Variants in CD109 observed in about 807,000 individuals in gnomAD.
CD109 encodes CD109 antigen.
Under a neutral mutation model 165.8 loss-of-function variants are expected in CD109, and 149 were observed. The observed-to-expected ratio is 0.90, with a 90% confidence interval of 0.79 to 1.03. The LOEUF is 1.03. Among genes scored for constraint, CD109 ranks in the 50% least tolerant of loss-of-function variants. The pLI, the probability that CD109 is intolerant of heterozygous loss-of-function variation, is 0.00. For missense variants in CD109, 1,712 were observed against 1,677.8 expected, an observed-to-expected ratio of 1.02 and a Z score of -0.36; for synonymous variants, 585 against 592.1, an observed-to-expected ratio of 0.99 and a Z score of 0.18.
At chr6:73,779,078 A>G (rs1755144903) in intron 15 of CD109, among the ~76,000 whole-genome samples, 1 of 151,868 alleles carries the variant, frequency 6.6e-6, no homozygotes, top group Non-Finnish European at 1.5e-5. Flanking sequence ...ATAACTACTC[A>G]TTTCCCCTTC....
chr6:73,765,818 T>A, intron 10 of CD109, 112 bp from the exon 11 acceptor site: 1 of 729,386 alleles, frequency 1.4e-6, no homozygotes. Flanking sequence ...GATATTATAG[T>A]GCTACCAATA....
At position 73,771,641 on chromosome 6, in the gene CD109, A is replaced by T. The variant is rs1774039073; in HGVS notation, c.1827+60A>T. 6 of 1,204,178 alleles carry T rather than the reference A, an allele frequency of 5.0e-6. No individual in the cohort carries two copies. The South Asian group carries it at 8.3e-5, about 17-fold the overall frequency. 74.6% of individuals were successfully genotyped at this position (1,204,178 alleles called of 1,614,324 possible). ...TATTACAAGAGAAAGAGGAAACTTT[A>T]TTGTACTACTTTAAATATTTAAAGA... is the stretch of plus-strand genomic sequence containing the variant. On this transcript the variant is annotated intron_variant, in intron 15 of 32. Transcript: ENST00000287097.
intron 5 of CD109, among the ~76,000 whole-genome samples, chr6:73,747,108 C>A (rs1302215238): frequency 6.6e-6 from 1 of 152,174 alleles, no homozygotes. Context: ...AGACCAATAT[C>A]CCGATTTCTG....
At chr6:73,728,958 G>C (rs554544009) in intron 3 of CD109, among the ~76,000 whole-genome samples, 1 of 152,348 alleles carries the variant, frequency 6.6e-6, no homozygotes, top group Admixed American at 6.5e-5. Context: ...CTGATTTGGA[G>C]TCTCACGAGG....
chr6:73,771,277 T>A (rs1245740419), intron 14 of CD109, 152 bp from the exon 15 acceptor site: 4 of 551,902 alleles, frequency 7.2e-6, no homozygotes, highest in Non-Finnish European at 1.2e-5. Flanking sequence ...TTTATTCCTT[T>A]CCCTAGAGAA....
chr6:73,782,357 T>C (rs138462876), intron 17 of CD109, among the ~76,000 whole-genome samples: 277 of 152,346 alleles, frequency 1.8e-3, no homozygotes, highest in Middle Eastern at 6.8e-3. Flanking sequence ...TACCCATCTT[T>C]GTTCTTTTTT....
chr6:73,764,327 G>A (rs1773752271), intron 10 of CD109, among the ~76,000 whole-genome samples: 2 of 152,212 alleles, frequency 1.3e-5, no homozygotes, highest in South Asian at 4.1e-4. Context: ...CAAAGGGCTA[G>A]AGAGTAAATA....
intron 5 of CD109, among the ~76,000 whole-genome samples, chr6:73,751,888 C>T (rs543996316): frequency 6.6e-6 from 1 of 152,292 alleles, no homozygotes; most frequent in Admixed American, 6.5e-5. Flanking sequence ...GTTACAAAAC[C>T]AGTTTTTGGA....
intron 2 of CD109, among the ~76,000 whole-genome samples, chr6:73,708,652 C>T (rs1256775871): frequency 1.3e-5 from 2 of 152,200 alleles, no homozygotes; most frequent in Non-Finnish European, 2.9e-5. Context: ...ACATCCTCTC[C>T]AGTACCTGTT....
rs1210239435 is a variant in CD109, at chr6:73,810,169, A to G, written c.3541A>G (p.Thr1181Ala). ...QRNSLGGFASTQDTTVALKAL... is the reference protein window; with the variant it reads ...QRNSLGGFASAQDTTVALKAL... ...AAATAGCTTGGGTGGTTTTGCATCT[A>G]CTCAGGTGAGAGATGATAGTTTTTT... The change falls in exon 27 of 33, where the codon ACT becomes GCT. Residue 1181 changes from threonine to alanine, a missense_variant. By Grantham distance (58) the Thr-to-Ala change is moderately conservative. Transcript: ENST00000287097. 1 of 1,585,936 alleles carries G rather than the reference A, an allele frequency of 6.3e-7. No homozygotes were observed. The highest frequency in any genetic ancestry group is 1.2e-5 in the South Asian group (1 of 86,886).
At chr6:73,685,062 A>G in the CD109 span, among the ~76,000 whole-genome samples, 107,707 of 151,490 alleles carry the variant, frequency 0.71, 38,735 homozygotes, top group African/African-American at 0.81. Context: ...GACTACAGGC[A>G]CAGCTAATTT....
intron 2 of CD109, among the ~76,000 whole-genome samples, chr6:73,713,342 C>T (rs957038037): frequency 2.0e-5 from 3 of 152,090 alleles, no homozygotes; most frequent in African/African-American, 4.8e-5. Flanking sequence ...TCCCTGGATC[C>T]AGCAAGAAAT....
chr6:73,789,600 C>CCTG (rs1774840196), intron 22 of CD109, among the ~76,000 whole-genome samples: 1 of 149,432 alleles, frequency 6.7e-6, no homozygotes, highest in Non-Finnish European at 1.5e-5. Context: ...ACTACAGGCA[C>CCTG]CCGCCACCAT....
rs370563364 is a variant in CD109, at chr6:73,792,780, A to C, written c.2856A>C (p.Lys952Asn). The C allele has an allele frequency of 2.5e-5, 40 of 1,609,526 alleles. No individual in the cohort carries two copies. The highest frequency in any genetic ancestry group is 3.1e-5 in the Non-Finnish European group (37 of 1,179,408). Residue 952 changes from lysine to asparagine, a missense_variant, in exon 23 of 33, where the codon AAA becomes AAC. Physicochemically the swap from Lys to Asn is moderately conservative, Grantham distance 94. Transcript: ENST00000287097. ...AACTGACAGATAATTTGAAAGAAAAAGCTCTTTCATTTATGAGGCAAGGTA... is the reference window on the plus strand; with the variant it reads ...AACTGACAGATAATTTGAAAGAAAACGCTCTTTCATTTATGAGGCAAGGTA... ...KKQLTDNLKE[K>N]ALSFMRQGYQ...
At chr6:73,818,832 C>A (rs1442059618) in intron 31 of CD109, among the ~76,000 whole-genome samples, 1 of 151,968 alleles carries the variant, frequency 6.6e-6, no homozygotes, top group Non-Finnish European at 1.5e-5. Flanking sequence ...AAAATTCAAC[C>A]CAGATCTGAA....
At position 73,766,137 on chromosome 6, in the gene CD109, A is replaced by G. The variant is rs769913378; in HGVS notation, c.1315A>G (p.Ser439Gly). ...TGAATTCCCAATCCTGGAGGATTCC[A>G]GTGAGCTACAGTTGAAGGTGCCGTC... ...KIEFPILEDS[S>G]ELQLKAYFLG... Residue 439 changes from serine to glycine, a missense_variant, in exon 11 of 33, where the codon AGT (serine) becomes GGT (glycine). Physicochemically the swap from Ser to Gly is moderately conservative, Grantham distance 56. Transcript: ENST00000287097. 7 of 1,613,624 alleles carry G rather than the reference A, an allele frequency of 4.3e-6. No individual in the cohort carries two copies. Among genetic ancestry groups the G allele is most frequent in the African/African-American group, 2.7e-5 (2 of 74,930 alleles).
intron 9 of CD109, 22 bp downstream of exon 9, chr6:73,762,904 G>A (rs1467821775): frequency 5.1e-6 from 8 of 1,580,078 alleles, no homozygotes; most frequent in Non-Finnish European, 3.4e-6. Flanking sequence ...TTAAAGTGGA[G>A]GTAAAACTAT....
Position 73,762,801 on chromosome 6 carries a change from T to C in CD109, c.916T>C (p.Ser306Pro). ...AGAGATGAAAAATGTAATGGATTCT[T>C]CAAATGGACTTTCTGAATACCTGGA... Reference protein sequence around the residue: ...DEEMKNVMDSSNGLSEYLDLS... With the variant: ...DEEMKNVMDSPNGLSEYLDLS... Residue 306 changes from serine (S) to proline (P), a missense_variant, in exon 9 of 33, where the codon TCA becomes CCA. Ser to Pro is a moderately conservative substitution (Grantham distance 74). Coordinates refer to ENST00000287097, the MANE Select transcript of CD109 (RefSeq NM_133493.5). 1 of 1,610,990 alleles carries C rather than the reference T, an allele frequency of 6.2e-7. No homozygotes were observed. Among genetic ancestry groups the C allele is most frequent in the Non-Finnish European group, 8.5e-7 (1 of 1,177,524 alleles).
Position 73,802,690 on chromosome 6 carries a change from A to C in CD109, c.2879-530A>C, listed in dbSNP as rs997659513. ...TTAATTTACTTTAATTTGGGATATC[A>C]CAGGCTTTTTTTTTTTTTTTTGAGA... On this transcript the variant is annotated intron_variant, in intron 23 of 32. Coordinates refer to ENST00000287097, the MANE Select transcript of CD109 (RefSeq NM_133493.5). Among the ~76,000 whole-genome samples, 41 of 147,354 alleles carry C rather than the reference A, an allele frequency of 2.8e-4. No homozygotes were observed. The South Asian group carries it at 5.5e-3, about 20-fold the overall frequency.
Sources: gnomAD v4.1 joint callset for allele counts (sites outside exome capture counted in the v4.1 genomes callset) on GRCh38, gnomAD v4.1.1 for gene constraint, MANE v1.5 for transcripts, NCBI Gene and HGNC (gene_info 2026-07-23, HGNC 2026-07-21) for gene names.